The following PLCG2 variants were observed in gnomAD, a reference collection of about 807,000 sequenced individuals.
The protein encoded by PLCG2 is 1-phosphatidylinositol 4,5-bisphosphate phosphodiesterase gamma-2.
PLCG2 carries 69 observed loss-of-function variants against 175.6 expected under a neutral mutation model. That is an observed-to-expected ratio of 0.39 (90% CI 0.32 to 0.48). PLCG2 has a LOEUF of 0.48. Among genes scored for constraint, PLCG2 ranks in the 20% least tolerant of loss-of-function variants. PLCG2 has a pLI of 0.91. For synonymous variants in PLCG2, 827 were observed against 624.0 expected (o/e 1.33, Z -4.85); for missense variants, 1,798 against 1,650.9 (o/e 1.09, Z -1.54).
intron 31 of PLCG2, among the ~76,000 whole-genome samples, chr16:81,954,537 C>T (rs186166269): frequency 1.9e-3 from 284 of 152,238 alleles, no homozygotes; most frequent in African/African-American, 6.6e-3. Flanking sequence ...TGTTGCCCTC[C>T]CTGTGTCCTC....
intron 2 of PLCG2, among the ~76,000 whole-genome samples, chr16:81,851,748 A>C (rs1373466928): frequency 7.9e-5 from 12 of 152,206 alleles, no homozygotes; most frequent in Admixed American, 2.0e-4. Flanking sequence ...CCTGACCTCA[A>C]GTGATCTGCC....
Position 81,936,281 on chromosome 16 carries a change from C to G in PLCG2, c.2955C>G (p.Val985=). 6.2e-7 allele frequency: 1 copy of G among 1,614,258 alleles called. No individual in the cohort carries two copies. Among genetic ancestry groups the G allele is most frequent in the South Asian group, 1.1e-5 (1 of 91,086 alleles). The change falls in exon 27 of 33, where the codon GTC becomes GTG. Residue 985 remains valine (V), a synonymous_variant. Coordinates refer to ENST00000564138, the MANE Select transcript of PLCG2 (RefSeq NM_002661.5). ...LKYNQKGLTR[V]YPKGQRVDSS... Reference sequence around the variant, plus strand: ...ACAATCAAAAGGGCCTGACCCGCGTCTACCCAAAGGGACAAAGAGTTGACT... The same window carrying G: ...ACAATCAAAAGGGCCTGACCCGCGTGTACCCAAAGGGACAAAGAGTTGACT...
At chr16:81,900,839 GC>G in intron 14 of PLCG2, 59 bp downstream of exon 14, 3 of 1,501,050 alleles carry the variant, frequency 2.0e-6, no homozygotes, top group Non-Finnish European at 2.7e-6. Flanking sequence ...CGGTTCCCCG[GC>G]TCTGGGTCCC....
intron 2 of PLCG2, among the ~76,000 whole-genome samples, chr16:81,829,745 T>C (rs1011890769): frequency 1.3e-5 from 2 of 152,232 alleles, no homozygotes; most frequent in Non-Finnish European, 2.9e-5. Context: ...GAGCATTCCA[T>C]TGGTGACAAG....
At position 81,815,836 on chromosome 16, in the gene PLCG2, G is replaced by A. The variant is rs536625876; in HGVS notation, c.193+29654G>A. On this transcript the variant is annotated intron_variant, in intron 2 of 32. Transcript: ENST00000564138. ...AGCACTTTGGGAGGCCAAGGTGGGC[G>A]GATCACTTGAGGTCAGGAGTTCGAG... is the stretch of plus-strand genomic sequence containing the variant. 2.8e-4 allele frequency among the ~76,000 whole-genome samples: 42 copies of A among 152,238 alleles called. 1 individual carries two copies. Among genetic ancestry groups the A allele is most frequent in the Admixed American group, 1.0e-3 (16 of 15,294 alleles).
At chr16:81,777,297 C>A (rs1910433088), upstream of PLCG2, among the ~76,000 whole-genome samples, 1 of 151,994 alleles carries the variant, frequency 6.6e-6, no homozygotes, top group African/African-American at 2.4e-5. Flanking sequence ...GAGACTTAAC[C>A]CACTCCCCTA....
chr16:81,821,754 G>A (rs1904809049), intron 2 of PLCG2, among the ~76,000 whole-genome samples: 2 of 152,210 alleles, frequency 1.3e-5, no homozygotes, highest in Admixed American at 1.3e-4. Context: ...AACTTGCCAA[G>A]CAACTGGGGG....
chr16:81,834,282 A>G (rs1241480992), intron 2 of PLCG2, among the ~76,000 whole-genome samples: 1 of 152,152 alleles, frequency 6.6e-6, no homozygotes, highest in African/African-American at 2.4e-5. Flanking sequence ...TCTCTGTCCC[A>G]GTAGGTGTTT....
intron 31 of PLCG2, 31 bp downstream of exon 31, chr16:81,946,294 C>G (rs755961257): frequency 6.6e-7 from 1 of 1,506,548 alleles, no homozygotes; most frequent in African/African-American, 1.4e-5. Flanking sequence ...TAAGGGTTCC[C>G]TGAGCTATGC....
chr16:81,824,441 C>G (rs1904956093), intron 2 of PLCG2, among the ~76,000 whole-genome samples: 1 of 152,164 alleles, frequency 6.6e-6, no homozygotes. Flanking sequence ...GCCCCAGCCA[C>G]TTATTTTCTT....
At chr16:81,898,825 C>G (rs1049936918) in intron 13 of PLCG2, among the ~76,000 whole-genome samples, 1 of 151,968 alleles carries the variant, frequency 6.6e-6, no homozygotes, top group African/African-American at 2.4e-5. Context: ...TAAGAGATAC[C>G]TGTGGGGGAT....
At chr16:81,848,163 G>T (rs1567496372) in intron 2 of PLCG2, among the ~76,000 whole-genome samples, 1 of 152,244 alleles carries the variant, frequency 6.6e-6, no homozygotes, top group African/African-American at 2.4e-5. Flanking sequence ...CAAGAGCGCA[G>T]AAATAGACCC....
intron 1 of PLCG2, among the ~76,000 whole-genome samples, chr16:81,753,606 A>G (rs1909859168): frequency 6.6e-6 from 1 of 151,912 alleles, no homozygotes; most frequent in African/African-American, 2.4e-5. Flanking sequence ...TTCAGTAGAG[A>G]AGGGTTTCAC....
At chr16:81,810,114 C>T (rs1008540784) in intron 2 of PLCG2, among the ~76,000 whole-genome samples, 1 of 152,136 alleles carries the variant, frequency 6.6e-6, no homozygotes. Context: ...GCCTCAGCCT[C>T]CTGAGTAGGT....
At chr16:81,805,722 C>G (rs989174501) in intron 2 of PLCG2, among the ~76,000 whole-genome samples, 1 of 145,194 alleles carries the variant, frequency 6.9e-6, no homozygotes, top group Non-Finnish European at 1.5e-5. Context: ...AATGGAAATA[C>G]AGTGTGAGTC....
At chr16:81,748,195 G>C (rs1245254601) in intron 1 of PLCG2, among the ~76,000 whole-genome samples, 1 of 152,104 alleles carries the variant, frequency 6.6e-6, no homozygotes, top group African/African-American at 2.4e-5. Flanking sequence ...GTTTGAGATA[G>C]CCTGGCCAAC....
chr16:81,899,289 T>TATATATATATATATATACACACACACAC (rs908648451), intron 13 of PLCG2, among the ~76,000 whole-genome samples: 1 of 92,420 alleles, frequency 1.1e-5, no homozygotes, highest in African/African-American at 3.8e-5. Flanking sequence ...TATATATATA[T>TATATATATATATATATACACACACACAC]ACACACACAC....
At chr16:81,907,161 C>T (rs947319006) in intron 15 of PLCG2, among the ~76,000 whole-genome samples, 9 of 150,854 alleles carry the variant, frequency 6.0e-5, no homozygotes, top group African/African-American at 2.2e-4. Context: ...CAAATAAAAA[C>T]GTTATTAAAA....
intron 2 of PLCG2, among the ~76,000 whole-genome samples, chr16:81,830,195 C>G (rs892190351): frequency 6.6e-6 from 1 of 152,076 alleles, no homozygotes; most frequent in African/African-American, 2.4e-5. Flanking sequence ...TGGCACGCAT[C>G]TGTGGTCCCA....
Sources: allele counts gnomAD v4.1 joint callset (sites outside exome capture counted in the v4.1 genomes callset), GRCh38; gene constraint gnomAD v4.1.1; transcripts MANE v1.5; gene names NCBI Gene and HGNC (gene_info 2026-07-23, HGNC 2026-07-21).